Variants in CAST observed in about 807,000 individuals in gnomAD.
The protein encoded by CAST is calpastatin.
A neutral mutation model predicts 119.6 loss-of-function variants in CAST; 76 were observed. The observed-to-expected ratio is 0.64, with a 90% confidence interval of 0.53 to 0.77. The LOEUF (loss-of-function observed/expected upper bound fraction) is 0.77, where lower values mean the gene tolerates loss of function less well. CAST is among the 30% of genes least tolerant of loss of function. The pLI, the probability that CAST is intolerant of heterozygous loss-of-function variation, is 0.00. For synonymous variants in CAST, 319 were observed against 331.6 expected (o/e 0.96, Z 0.41); for missense variants, 953 against 946.5 (o/e 1.01, Z -0.09).
chr5:96,399,878 C>G, the CAST span: 1 of 1,180,966 alleles, frequency 8.5e-7, no homozygotes, highest in Non-Finnish European at 1.2e-6. Flanking sequence ...ACAAAAAAAT[C>G]AGGCAGAATG....
intron 1 of CAST, among the ~76,000 whole-genome samples, chr5:96,542,532 A>G (rs79812383): frequency 0.052 from 7,951 of 152,210 alleles, 293 homozygotes; most frequent in Non-Finnish European, 0.079. Flanking sequence ...TTAATGACAA[A>G]TGATTTGAAC....
At chr5:96,104,590 C>A in the CAST span, among the ~76,000 whole-genome samples, 1 of 151,958 alleles carries the variant, frequency 6.6e-6, no homozygotes, top group Non-Finnish European at 1.5e-5. Flanking sequence ...TTCCTTTGAT[C>A]TATATCTCTG....
At chr5:96,561,546 C>T (rs1194726506) in intron 1 of CAST, among the ~76,000 whole-genome samples, 1 of 150,758 alleles carries the variant, frequency 6.6e-6, no homozygotes, top group African/African-American at 2.4e-5. Flanking sequence ...GGGAACATCA[C>T]ACACCGGGGC....
At chr5:96,333,212 T>C in the CAST span, among the ~76,000 whole-genome samples, 1 of 152,048 alleles carries the variant, frequency 6.6e-6, no homozygotes. Flanking sequence ...CTGTCTGCAC[T>C]TCCAGGACTC....
chr5:96,503,709 T>C, the CAST span, among the ~76,000 whole-genome samples: 1 of 152,148 alleles, frequency 6.6e-6, no homozygotes, highest in Non-Finnish European at 1.5e-5. Flanking sequence ...TCTGATAGTC[T>C]CACTTGAGGG....
chr5:96,632,063 G>T lies in CAST; in HGVS notation c.61-43476G>T, dbSNP rs544079800. Among the ~76,000 whole-genome samples the T allele has an allele frequency of 3.2e-4, 45 of 139,182 alleles. No individual in the cohort carries two copies. In the South Asian group the frequency reaches 9.5e-3, roughly 30 times the overall value. 91.3% of individuals were successfully genotyped at this position (139,182 alleles called of 152,430 possible). A position where few individuals can be genotyped will look rare whatever the true frequency, so the allele number is the denominator to read the frequency against. ...ATTATTATTATAGCTATCCTAGTGG[G>T]TATGAAGTGATGTAGCATCATAATG... On this transcript the variant is annotated intron_variant, in intron 1 of 11. Coordinates refer to the CAST transcript ENST00000505143.
Position 96,726,801 on chromosome 5 carries a change from C to T in CAST, c.278C>T (p.Pro93Leu). The part of the protein sequence containing the change: ...SMNPTETKAI[P>L]VSQQMEGPHL... ...GCTGTGCTCTTATATTAGGCCATTC[C>T]AGTCAGCCAACAGATGGAAGGACCA... The change falls in exon 5 of 32, where the codon CCA becomes CTA. Residue 93 changes from proline (P) to leucine (L), a missense_variant. Coordinates refer to ENST00000675179, the MANE Select transcript of CAST (RefSeq NM_001750.7). 3.1e-6 allele frequency: 5 copies of T among 1,612,138 alleles called. No individual in the cohort carries two copies. The highest frequency in any genetic ancestry group is 4.2e-6 in the Non-Finnish European group (5 of 1,178,518).
chr5:96,743,798 C>T (rs1432886952), intron 16 of CAST: 5 of 1,172,920 alleles, frequency 4.3e-6, no homozygotes, highest in Non-Finnish European at 4.9e-6. Context: ...GTGAGATATA[C>T]ATTACTTAGA....
chr5:96,441,604 A>G, the CAST span, among the ~76,000 whole-genome samples: 1 of 152,164 alleles, frequency 6.6e-6, no homozygotes, highest in Non-Finnish European at 1.5e-5. Flanking sequence ...CTCTCTAAAC[A>G]CATTTATTGA....
the CAST span, among the ~76,000 whole-genome samples, chr5:96,377,812 T>C: frequency 6.6e-6 from 1 of 152,190 alleles, no homozygotes; most frequent in Non-Finnish European, 1.5e-5. Context: ...GCAGTTTACC[T>C]TGAATACATT....
chr5:96,497,321 A>G, the CAST span, among the ~76,000 whole-genome samples: 1 of 152,286 alleles, frequency 6.6e-6, no homozygotes, highest in South Asian at 2.1e-4. Flanking sequence ...CAATAAACAT[A>G]TGGGTGCATG....
chr5:96,648,453 A>G (rs1317886066), intron 1 of CAST, among the ~76,000 whole-genome samples: 1 of 149,588 alleles, frequency 6.7e-6, no homozygotes, highest in East Asian at 1.9e-4. Flanking sequence ...GAATTAATAT[A>G]TCTGTATATT....
the CAST span, among the ~76,000 whole-genome samples, chr5:96,480,381 G>T: frequency 6.6e-6 from 1 of 152,138 alleles, no homozygotes; most frequent in East Asian, 1.9e-4. Context: ...GGGTGTGTTT[G>T]GATGACTGGC....
At chr5:96,269,112 C>T in the CAST span, among the ~76,000 whole-genome samples, 1 of 152,116 alleles carries the variant, frequency 6.6e-6, no homozygotes, top group African/African-American at 2.4e-5. Flanking sequence ...AGCTCTTTCT[C>T]TCTCTTTTTT....
the CAST span, among the ~76,000 whole-genome samples, chr5:95,999,407 T>G: frequency 6.6e-6 from 1 of 152,282 alleles, no homozygotes; most frequent in Admixed American, 6.5e-5. Flanking sequence ...TAGATTTGCT[T>G]GGTGTGATCA....
chr5:96,464,692 C>T, the CAST span, among the ~76,000 whole-genome samples: 23 of 152,070 alleles, frequency 1.5e-4, no homozygotes, highest in South Asian at 4.6e-3. Flanking sequence ...TATTGTGAAA[C>T]GTAATACAGT....
intron 20 of CAST, among the ~76,000 whole-genome samples, chr5:96,752,731 A>T (rs1043904748): frequency 1.3e-5 from 2 of 151,938 alleles, no homozygotes; most frequent in Non-Finnish European, 2.9e-5. Flanking sequence ...TGGCTAAAAT[A>T]TAAAACAGAA....
chr5:96,485,591 G>T, the CAST span, among the ~76,000 whole-genome samples: 2 of 152,104 alleles, frequency 1.3e-5, no homozygotes, highest in Non-Finnish European at 2.9e-5. Flanking sequence ...AATATGAATA[G>T]TTCGAACCTG....
At chr5:96,375,436 GT>G in the CAST span, among the ~76,000 whole-genome samples, 87 of 125,330 alleles carry the variant, frequency 6.9e-4, 1 homozygote, top group East Asian at 2.9e-3. Flanking sequence ...GTGTGTGTGT[GT>G]TTTTTTTACT....
Sources: gnomAD v4.1 joint callset for allele counts (sites outside exome capture counted in the v4.1 genomes callset) on GRCh38, gnomAD v4.1.1 for gene constraint, MANE v1.5 for transcripts, NCBI Gene and HGNC (gene_info 2026-07-23, HGNC 2026-07-21) for gene names.